EPB41L3: variants seen among roughly 807,000 people sequenced by gnomAD.
The protein encoded by EPB41L3 is erythrocyte membrane protein band 4.1 like 3.
EPB41L3 carries 57 observed loss-of-function variants against 127.1 expected under a neutral mutation model. The ratio of observed to expected loss-of-function variants is 0.45; its 90% CI spans 0.36 to 0.56. EPB41L3 has a LOEUF of 0.56. Among genes scored for constraint, EPB41L3 ranks in the 20% least tolerant of loss-of-function variants. The pLI is 0.00. For synonymous variants in EPB41L3, 572 were observed against 549.5 expected, an observed-to-expected ratio of 1.04 and a Z score of -0.57; for missense variants, 1,273 against 1,372.2, an observed-to-expected ratio of 0.93 and a Z score of 1.14.
intron 2 of EPB41L3, among the ~76,000 whole-genome samples, chr18:5,613,496 A>G (rs2094754710): frequency 6.6e-6 from 1 of 151,886 alleles, no homozygotes; most frequent in South Asian, 2.1e-4. Context: ...CACCCTATTG[A>G]CCCCTCCAAC....
In EPB41L3 at chr18:5,397,174, C is replaced by T; in HGVS notation, c.2725G>A (p.Val909Ile). ...EGAKEEGGEE[V>I]AKAVLEQEET... ...TCCTGTTCCAGGACAGCTTTAGCGA[C>T]CTCCTCCCCTCCTTCCTCTTTAGCC... Residue 909 changes from valine (V) to isoleucine (I), a missense_variant, in exon 18 of 23, where the codon GTC (valine) becomes ATC (isoleucine). Physicochemically the swap from Val to Ile is conservative, Grantham distance 29. Transcript: ENST00000341928. The surrounding 1 kb of genome is among the most constrained non-coding windows in gnomAD (Gnocchi z 4.1). 6.2e-7 allele frequency: 1 copy of T among 1,614,094 alleles called. No individual in the cohort carries two copies. Among genetic ancestry groups the T allele is most frequent in the Non-Finnish European group, 8.5e-7 (1 of 1,179,970 alleles).
upstream of EPB41L3, among the ~76,000 whole-genome samples, chr18:5,548,525 T>A (rs2093917924): frequency 6.6e-6 from 1 of 152,246 alleles, no homozygotes; most frequent in Non-Finnish European, 1.5e-5. Flanking sequence ...TTTGCCTTTT[T>A]TATCTTTGTA....
chr18:5,585,340 G>A (rs2094432829), intron 3 of EPB41L3, among the ~76,000 whole-genome samples: 1 of 152,010 alleles, frequency 6.6e-6, no homozygotes. Flanking sequence ...TTGTTTTTGA[G>A]TCGCCCAGGC....
intron 3 of EPB41L3, among the ~76,000 whole-genome samples, chr18:5,457,388 G>T (rs893705916): frequency 2.0e-5 from 3 of 151,780 alleles, no homozygotes; most frequent in African/African-American, 7.3e-5. Context: ...TGCTTTTTTG[G>T]AAGTCTTGCT....
At chr18:5,437,601 T>C (rs935985173) in intron 6 of EPB41L3, among the ~76,000 whole-genome samples, 1 of 152,250 alleles carries the variant, frequency 6.6e-6, no homozygotes, top group Non-Finnish European at 1.5e-5. Context: ...ATTTTCCTTG[T>C]ATATACAGGA....
intron 2 of EPB41L3, among the ~76,000 whole-genome samples, chr18:5,485,841 A>G (rs2089655143): frequency 6.6e-6 from 1 of 152,090 alleles, no homozygotes; most frequent in Non-Finnish European, 1.5e-5. Context: ...ATTGAAGAGA[A>G]TGCAAAAAAT....
chr18:5,590,460 T>C (rs568540933), intron 3 of EPB41L3, among the ~76,000 whole-genome samples: 1 of 152,236 alleles, frequency 6.6e-6, no homozygotes, highest in South Asian at 2.1e-4. Flanking sequence ...GGATGCAAAA[T>C]GGTAGAGCTA....
intron 7 of EPB41L3, 52 bp downstream of exon 7, chr18:5,433,851 G>C: frequency 6.3e-7 from 1 of 1,582,558 alleles, no homozygotes; most frequent in East Asian, 2.2e-5. Flanking sequence ...GTTGTGTGCG[G>C]GACACTCTCC....
chr18:5,394,548 T>C (rs2073007390), intron 22 of EPB41L3, 129 bp downstream of exon 22: 1 of 678,788 alleles, frequency 1.5e-6, no homozygotes. Flanking sequence ...CTCCATCCTC[T>C]TGGTAACCAG....
At chr18:5,533,444 A>C (rs139038354) in intron 1 of EPB41L3, among the ~76,000 whole-genome samples, 8 of 152,360 alleles carry the variant, frequency 5.3e-5, no homozygotes, top group Non-Finnish European at 1.2e-4. Context: ...ATTATAATGT[A>C]GTCTGACCAT....
intron 1 of EPB41L3, among the ~76,000 whole-genome samples, chr18:5,537,853 C>T (rs1319524650): frequency 6.6e-6 from 1 of 152,086 alleles, no homozygotes; most frequent in African/African-American, 2.4e-5. Context: ...TAGATTTTCC[C>T]TATAAAAGGA....
In EPB41L3 at chr18:5,406,839, G is replaced by A; in HGVS notation, c.2287C>T (p.Pro763Ser). 6.2e-7 allele frequency: 1 copy of A among 1,614,192 alleles called. No homozygotes were observed. The highest frequency in any genetic ancestry group is 8.5e-7 in the Non-Finnish European group (1 of 1,180,020). ...TCCTGCCTGGCGGCCAGTCGCACGG[G>A]GGAGGTGGAAAGCCTCTTCTCCCAT... ...NEWEKRLSTS[P>S]VRLAARQEDA... Residue 763 changes from proline (P) to serine (S), a missense_variant, in exon 16 of 23, where the codon CCC becomes TCC. Pro to Ser is a moderately conservative substitution (Grantham distance 74). Around this residue, in one of 3 missense-constraint regions of EPB41L3, gnomAD observed 765 missense variants for 782.9 expected, o/e 0.98. Coordinates refer to ENST00000341928, the MANE Select transcript of EPB41L3 (RefSeq NM_012307.5).
At chr18:5,602,752 C>T (rs1162159677) in intron 3 of EPB41L3, among the ~76,000 whole-genome samples, 1 of 152,148 alleles carries the variant, frequency 6.6e-6, no homozygotes, top group Non-Finnish European at 1.5e-5. Context: ...CACCTCACCT[C>T]CTCCCTTGAT....
At chr18:5,542,532 T>C (rs1221289137) in intron 1 of EPB41L3, among the ~76,000 whole-genome samples, 1 of 150,114 alleles carries the variant, frequency 6.7e-6, no homozygotes, top group Non-Finnish European at 1.5e-5. Context: ...TCCGCGAGAC[T>C]AATGTAAAAA....
rs1475121296 is a variant in EPB41L3 at position 5,595,266 on chromosome 18, T to G, written c.-306+17074A>C. Among the ~76,000 whole-genome samples, 6 of 152,284 alleles carry G rather than the reference T, an allele frequency of 3.9e-5. No homozygotes were observed. In the East Asian group the frequency reaches 1.2e-3, roughly 29 times the overall value. On this transcript the variant is annotated intron_variant, in intron 3 of 21. Coordinates refer to the EPB41L3 transcript ENST00000545076. Reference sequence around the variant, plus strand: ...TGACAACTGTCCATGTTAAAATAAGTGCAGAAGGAAAGATTCCACTTCATC... The same window carrying G: ...TGACAACTGTCCATGTTAAAATAAGGGCAGAAGGAAAGATTCCACTTCATC...
intron 21 of EPB41L3, 112 bp downstream of exon 21, chr18:5,394,955 C>G: frequency 7.9e-7 from 1 of 1,261,014 alleles, no homozygotes; most frequent in African/African-American, 1.5e-5. Flanking sequence ...AAAGTTAATT[C>G]GGAATTTTCT....
At chr18:5,481,224 A>G (rs75876700) in intron 2 of EPB41L3, among the ~76,000 whole-genome samples, 1,546 of 152,312 alleles carry the variant, frequency 0.01, 24 homozygotes, top group African/African-American at 0.034. Context: ...CACAGAAGCA[A>G]GCTGGTTTCC....
chr18:5,531,627 G>A lies in EPB41L3; in HGVS notation c.-12+12286C>T, dbSNP rs533718254. Among the ~76,000 whole-genome samples the A allele has an allele frequency of 6.5e-4, 98 of 150,854 alleles. No individual in the cohort carries two copies. In the Middle Eastern group the frequency reaches 0.01, roughly 16 times the overall value. ...AATCCCAGCTACTCAGGAGGCTGAG[G>A]CACGAGAATCACTTGAACCTGGGAG... On this transcript the variant is annotated intron_variant, in intron 1 of 22. Coordinates refer to ENST00000341928, the MANE Select transcript of EPB41L3 (RefSeq NM_012307.5).
chr18:5,493,662 T>C (rs190779222), intron 1 of EPB41L3, among the ~76,000 whole-genome samples: 1 of 152,294 alleles, frequency 6.6e-6, no homozygotes, highest in African/African-American at 2.4e-5. Flanking sequence ...CTTTCCACTC[T>C]CCTACTCCCT....
Sources: allele counts gnomAD v4.1 joint callset (sites outside exome capture counted in the v4.1 genomes callset), GRCh38; gene constraint gnomAD v4.1.1; regional missense constraint gnomAD v4.1.1; non-coding constraint Gnocchi (gnomAD v3.1); transcripts MANE v1.5; gene names NCBI Gene and HGNC (gene_info 2026-07-23, HGNC 2026-07-21).